CENPC: variants seen among roughly 807,000 people sequenced by gnomAD.
The protein encoded by CENPC is centromere protein C, also known as CENP-C 1.
Under a neutral mutation model 112.1 loss-of-function variants are expected in CENPC, and 63 were observed. The ratio of observed to expected loss-of-function variants is 0.56; its 90% CI spans 0.46 to 0.69. The LOEUF (loss-of-function observed/expected upper bound fraction) is 0.69. Ranked by LOEUF, CENPC falls within the 30% of genes least tolerant of loss-of-function variation. The pLI, the probability that CENPC is intolerant of heterozygous loss-of-function variation, is 0.00. For synonymous variants in CENPC, 333 were observed against 367.6 expected, an observed-to-expected ratio of 0.91 and a Z score of 1.08; for missense variants, 1,000 against 1,103.8, an observed-to-expected ratio of 0.91 and a Z score of 1.33.
intron 17 of CENPC, among the ~76,000 whole-genome samples, chr4:67,484,680 T>C (rs998402970): frequency 2.3e-4 from 35 of 152,254 alleles, no homozygotes; most frequent in African/African-American, 8.4e-4. Context: ...CCAAAAAGGA[T>C]GGGGACCATT....
chr4:67,496,619 A>C (rs1185172316), intron 12 of CENPC, among the ~76,000 whole-genome samples: 1 of 152,208 alleles, frequency 6.6e-6, no homozygotes, highest in Non-Finnish European at 1.5e-5. Flanking sequence ...GCTGGTTTGG[A>C]AGAAACTTCA....
At chr4:67,480,840 T>C (rs1243283065) in intron 17 of CENPC, among the ~76,000 whole-genome samples, 2 of 152,138 alleles carry the variant, frequency 1.3e-5, no homozygotes, top group Non-Finnish European at 2.9e-5. Context: ...GCCAGCATCA[T>C]ACTGAACAAG....
chr4:67,473,412 A>C (rs1294041323), intron 18 of CENPC, among the ~76,000 whole-genome samples: 1 of 152,242 alleles, frequency 6.6e-6, no homozygotes, highest in Non-Finnish European at 1.5e-5. Flanking sequence ...CAGTGCTGAC[A>C]TACTAAGGAT....
At chr4:67,488,645 T>TA (rs1475862727) in intron 17 of CENPC, among the ~76,000 whole-genome samples, 2 of 152,032 alleles carry the variant, frequency 1.3e-5, no homozygotes, top group Admixed American at 6.5e-5. Flanking sequence ...ATAAAGGCAT[T>TA]ACAGTTTAAT....
chr4:67,487,439 T>C (rs758416448), intron 17 of CENPC, among the ~76,000 whole-genome samples: 2 of 151,750 alleles, frequency 1.3e-5, no homozygotes, highest in Non-Finnish European at 2.9e-5. Context: ...AGTGGTAGCA[T>C]CTTCAAGTTG....
intron 12 of CENPC, among the ~76,000 whole-genome samples, chr4:67,504,114 C>T (rs1218326076): frequency 9.5e-6 from 1 of 105,790 alleles, no homozygotes; most frequent in East Asian, 3.5e-4. Context: ...AAAAAAAGAA[C>T]GTAGCTAGTA....
At chr4:67,474,853 T>C (rs1469507923) in intron 18 of CENPC, 35 bp downstream of exon 18, 2 of 1,262,650 alleles carry the variant, frequency 1.6e-6, no homozygotes, top group Admixed American at 2.1e-5. Flanking sequence ...AAAACAACTA[T>C]ATACATGTTG....
chr4:67,481,256 G>A (rs567051284), intron 17 of CENPC, among the ~76,000 whole-genome samples: 14 of 152,058 alleles, frequency 9.2e-5, no homozygotes, highest in Admixed American at 4.6e-4. Context: ...AATCATAGAC[G>A]ACATAAACAA....
intron 9 of CENPC, among the ~76,000 whole-genome samples, chr4:67,509,338 A>G (rs556564701): frequency 6.6e-6 from 1 of 152,122 alleles, no homozygotes; most frequent in Non-Finnish European, 1.5e-5. Flanking sequence ...CAGGCCCTTC[A>G]AATCTGTCAC....
At chr4:67,515,773 A>T (rs915733458) in intron 7 of CENPC, among the ~76,000 whole-genome samples, 4 of 151,954 alleles carry the variant, frequency 2.6e-5, no homozygotes, top group African/African-American at 4.8e-5. Context: ...AATGGAGTGT[A>T]TCTAGAAAGG....
chr4:67,479,377 C>A (rs1724893760), intron 17 of CENPC, among the ~76,000 whole-genome samples: 1 of 152,206 alleles, frequency 6.6e-6, no homozygotes, highest in Non-Finnish European at 1.5e-5. Context: ...AGTACTCTCT[C>A]AGACCACAGT....
At chr4:67,485,049 C>T (rs920931132) in intron 17 of CENPC, among the ~76,000 whole-genome samples, 15 of 152,032 alleles carry the variant, frequency 9.9e-5, no homozygotes, top group African/African-American at 3.4e-4. Flanking sequence ...GCTGAGGTCA[C>T]GCCACTGCAC....
intron 9 of CENPC, among the ~76,000 whole-genome samples, chr4:67,510,057 G>T (rs1038436749): frequency 1.3e-5 from 2 of 152,116 alleles, no homozygotes; most frequent in Non-Finnish European, 2.9e-5. Flanking sequence ...AGCACTGGTT[G>T]TCCAAAGGCA....
Position 67,545,390 on chromosome 4 carries a change from G to C in CENPC, c.-35C>G. On this transcript the variant is annotated 5_prime_UTR_variant, in exon 1 of 19. Coordinates refer to ENST00000273853, the MANE Select transcript of CENPC (RefSeq NM_001812.4). ...CCGCTGAGCCAGCGCAACTGTCTGA[G>C]GTGGAAGCCCACACGGACCACAGCT... 1 of 1,507,904 alleles carries C rather than the reference G, an allele frequency of 6.6e-7. No individual in the cohort carries two copies. The highest frequency in any genetic ancestry group is 2.1e-5 in the Admixed American group (1 of 47,752). The allele number at this position is 1,507,904 out of a possible 1,614,324, so 93.4% of individuals were successfully genotyped here.
chr4:67,472,771 A>C (rs886634671), intron 18 of CENPC, 96 bp from the exon 19 acceptor site: 1 of 1,238,820 alleles, frequency 8.1e-7, no homozygotes, highest in Non-Finnish European at 1.0e-6. Context: ...GTAGTATAGG[A>C]CACAAGATAA....
At chr4:67,486,307 A>G (rs1202184518) in intron 17 of CENPC, among the ~76,000 whole-genome samples, 1 of 152,202 alleles carries the variant, frequency 6.6e-6, no homozygotes, top group African/African-American at 2.4e-5. Context: ...CAGTATCATA[A>G]TTCATCTGCA....
chr4:67,509,207 TACACACACACAC>T (rs36207189), intron 9 of CENPC, 102 bp from the exon 10 acceptor site: 60,602 of 478,564 alleles, frequency 0.13, 75 homozygotes, highest in East Asian at 0.22. Flanking sequence ...CATATACACA[TACACACACACAC>T]ACACACACAC....
At chr4:67,531,228 A>T (rs1049156875) in intron 4 of CENPC, among the ~76,000 whole-genome samples, 1 of 152,144 alleles carries the variant, frequency 6.6e-6, no homozygotes, top group East Asian at 1.9e-4. Context: ...ACCATATTAC[A>T]TACGTAACAA....
At chr4:67,513,532 A>C (rs1725957216) in intron 8 of CENPC, among the ~76,000 whole-genome samples, 1 of 152,120 alleles carries the variant, frequency 6.6e-6, no homozygotes. Context: ...ATAAATCAAA[A>C]TTTTGTATCC....
Sources: gnomAD v4.1 joint callset for allele counts (sites outside exome capture counted in the v4.1 genomes callset) on GRCh38, gnomAD v4.1.1 for gene constraint, MANE v1.5 for transcripts, NCBI Gene and HGNC (gene_info 2026-07-23, HGNC 2026-07-21) for gene names.